The following TMEM132D variants were observed in gnomAD, a reference collection of about 807,000 sequenced individuals.
The protein encoded by TMEM132D is transmembrane protein 132D.
A neutral mutation model predicts 62.3 loss-of-function variants in TMEM132D; 21 were observed. The observed-to-expected ratio is 0.34, with a 90% CI of 0.24 to 0.49. The LOEUF (loss-of-function observed/expected upper bound fraction) is 0.49, where lower values mean the gene tolerates loss of function less well. TMEM132D is among the 20% of genes least tolerant of loss of function. The pLI is 0.99. For missense variants in TMEM132D, 1,346 were observed against 1,402.8 expected, an observed-to-expected ratio of 0.96 and a Z score of 0.65; for synonymous variants, 621 against 575.6, an observed-to-expected ratio of 1.08 and a Z score of -1.13.
chr12:129,780,272 C>T (rs1357516025), intron 1 of TMEM132D, among the ~76,000 whole-genome samples: 1 of 148,216 alleles, frequency 6.7e-6, no homozygotes, highest in Non-Finnish European at 1.5e-5. Flanking sequence ...CGAGCATGAA[C>T]AGGTGAGTAA....
intron 5 of TMEM132D, among the ~76,000 whole-genome samples, chr12:129,117,243 C>A (rs866111720): frequency 5.9e-5 from 9 of 151,362 alleles, no homozygotes; most frequent in Middle Eastern, 6.8e-3. Flanking sequence ...AAACATTAAA[C>A]TGATAGCTGG....
At position 129,531,075 on chromosome 12, in the gene TMEM132D, C is replaced by G. The variant is rs144926631; in HGVS notation, c.1099G>C (p.Ala367Pro). Residue 367 changes from alanine to proline, a missense_variant, in exon 3 of 9, where the codon GCT becomes CCT. By Grantham distance (27) the Ala-to-Pro change is conservative. Transcript: ENST00000422113. ...GGGACTCACCTGTTTTCTGAGCCAG[C>G]TGCTTTCTTCTGACAAACGATGACA... The part of the protein sequence containing the change: ...PAVIVCQKKA[A>P]GSENSADGAS... 8.9e-4 allele frequency: 1,443 copies of G among 1,612,866 alleles called. 2 individuals carry two copies. Among genetic ancestry groups the G allele is most frequent in the Middle Eastern group, 5.0e-3 (30 of 6,056 alleles).
At chr12:129,890,546 T>A (rs1028525215) in intron 1 of TMEM132D, among the ~76,000 whole-genome samples, 2 of 152,198 alleles carry the variant, frequency 1.3e-5, no homozygotes, top group Non-Finnish European at 2.9e-5. Context: ...GGATCTGTTG[T>A]CAGCAGTGAA....
At chr12:129,380,099 G>A (rs1479544235) in intron 3 of TMEM132D, among the ~76,000 whole-genome samples, 1 of 151,988 alleles carries the variant, frequency 6.6e-6, no homozygotes, top group African/African-American at 2.4e-5. Flanking sequence ...TGTCTTATTG[G>A]TGATCAAAGT....
intron 1 of TMEM132D, among the ~76,000 whole-genome samples, chr12:129,757,248 A>C (rs571058144): frequency 2.0e-5 from 3 of 152,302 alleles, no homozygotes; most frequent in Admixed American, 6.5e-5. Context: ...AGACCCTGTC[A>C]TTATTTTAGA....
intron 5 of TMEM132D, among the ~76,000 whole-genome samples, chr12:129,198,021 T>C (rs1197497962): frequency 6.6e-6 from 1 of 152,166 alleles, no homozygotes; most frequent in Non-Finnish European, 1.5e-5. Context: ...AGTCAATAGA[T>C]ACATTTTAAA....
intron 2 of TMEM132D, among the ~76,000 whole-genome samples, chr12:129,650,179 A>T (rs1218562795): frequency 6.6e-6 from 1 of 152,210 alleles, no homozygotes; most frequent in East Asian, 1.9e-4. Flanking sequence ...GATTTTATAT[A>T]TAATTGTTTT....
chr12:129,238,247 A>G (rs80134899), intron 4 of TMEM132D, among the ~76,000 whole-genome samples: 2,864 of 152,342 alleles, frequency 0.019, 89 homozygotes, highest in African/African-American at 0.065. Flanking sequence ...TTTTAAGACT[A>G]AAATCTTCTG....
At chr12:129,490,596 ATTTTTTTTTTTTTTTTTTTT>A (rs35535325) in intron 3 of TMEM132D, among the ~76,000 whole-genome samples, 2 of 71,124 alleles carry the variant, frequency 2.8e-5, no homozygotes, top group African/African-American at 8.1e-5. Flanking sequence ...CGCCCGGCTA[ATTTTTTTTTTTTTTTTTTTT>A]TTTTTTTTTT....
intron 3 of TMEM132D, among the ~76,000 whole-genome samples, chr12:129,454,764 G>A (rs1366992168): frequency 6.6e-6 from 1 of 152,170 alleles, no homozygotes; most frequent in East Asian, 1.9e-4. Context: ...TTCTGTCCGT[G>A]TCTCTGCCTC....
intron 4 of TMEM132D, among the ~76,000 whole-genome samples, chr12:129,326,380 C>T (rs796714027): frequency 2.0e-5 from 3 of 152,280 alleles, no homozygotes; most frequent in African/African-American, 7.2e-5. Flanking sequence ...ATAGGCAAAT[C>T]ACAGCCTGCA....
chr12:129,445,909 C>T (rs181996809), intron 3 of TMEM132D, among the ~76,000 whole-genome samples: 85 of 152,294 alleles, frequency 5.6e-4, no homozygotes, highest in African/African-American at 2.0e-3. Context: ...AAAAATCAGA[C>T]TGTGATGCCG....
At chr12:129,086,664 CATATA>C (rs1056109519) in intron 5 of TMEM132D, among the ~76,000 whole-genome samples, 45 of 145,614 alleles carry the variant, frequency 3.1e-4, no homozygotes, top group Admixed American at 2.5e-3. Flanking sequence ...CTATATACAA[CATATA>C]ATATATAATA....
intron 1 of TMEM132D, among the ~76,000 whole-genome samples, chr12:129,776,980 C>A (rs746725918): frequency 6.6e-6 from 1 of 152,056 alleles, no homozygotes; most frequent in African/African-American, 2.4e-5. Flanking sequence ...GAGATGTGTT[C>A]TTTTTTATTA....
intron 1 of TMEM132D, among the ~76,000 whole-genome samples, chr12:129,746,670 C>G (rs1321062632): frequency 6.6e-6 from 1 of 152,032 alleles, no homozygotes; most frequent in African/African-American, 2.4e-5. Context: ...AAACCTTTAT[C>G]GAGGACCTCC....
intron 4 of TMEM132D, among the ~76,000 whole-genome samples, chr12:129,324,242 G>T (rs1233935882): frequency 1.3e-5 from 2 of 152,168 alleles, no homozygotes; most frequent in Non-Finnish European, 2.9e-5. Flanking sequence ...AGGGTAGGTT[G>T]ATGGCCTAAT....
chr12:129,315,232 G>A (rs1254853947), intron 4 of TMEM132D, among the ~76,000 whole-genome samples: 4 of 152,132 alleles, frequency 2.6e-5, no homozygotes, highest in African/African-American at 4.8e-5. Context: ...ACTTCTCAGA[G>A]GGAATGCTTT....
At chr12:129,434,445 C>A (rs1398697153) in intron 3 of TMEM132D, among the ~76,000 whole-genome samples, 1 of 152,102 alleles carries the variant, frequency 6.6e-6, no homozygotes, top group Non-Finnish European at 1.5e-5. Flanking sequence ...GTGATACCCT[C>A]CTCATACGTT....
chr12:129,386,889 A>G (rs1003033033), intron 3 of TMEM132D, among the ~76,000 whole-genome samples: 6 of 151,796 alleles, frequency 4.0e-5, no homozygotes, highest in South Asian at 2.1e-4. Flanking sequence ...ATCATAATAC[A>G]AACACAAAAA....
Sources: allele counts gnomAD v4.1 joint callset (sites outside exome capture counted in the v4.1 genomes callset), GRCh38; gene constraint gnomAD v4.1.1; transcripts MANE v1.5; gene names NCBI Gene and HGNC (gene_info 2026-07-23, HGNC 2026-07-21).